The following PKIB variants were observed in gnomAD, a reference collection of about 807,000 sequenced individuals.
PKIB encodes PKI-beta.
PKIB carries 2 observed loss-of-function variants against 4.5 expected under a neutral mutation model. That is an observed-to-expected ratio of 0.44 (90% CI 0.18 to 1.39). The LOEUF is 1.39. PKIB is among the 40% of genes most tolerant of loss of function. The probability of loss-of-function intolerance (pLI) is 0.27; values close to 1 mark genes in which losing one functional copy is unlikely to be tolerated. For missense variants in PKIB, 94 were observed against 92.6 expected (o/e 1.02, Z -0.06); for synonymous variants, 38 against 36.0 (o/e 1.06, Z -0.20).
chr6:122,532,304 GTTTA>G (rs1405971390), intron 2 of PKIB, among the ~76,000 whole-genome samples: 10 of 151,960 alleles, frequency 6.6e-5, no homozygotes, highest in Admixed American at 6.6e-4. Flanking sequence ...TCACTCTTTT[GTTTA>G]TTTAATACTT....
intron 1 of PKIB, among the ~76,000 whole-genome samples, chr6:122,476,195 G>A (rs545886894): frequency 9.9e-5 from 15 of 152,096 alleles, no homozygotes; most frequent in Non-Finnish European, 1.6e-4. Context: ...TATAATCCAA[G>A]GAGAGCAAAA....
rs185397091 is a variant in PKIB at position 122,554,925 on chromosome 6, A to G, written c.-247-30996A>G. Among the ~76,000 whole-genome samples, 375 of 152,348 alleles carry G rather than the reference A, an allele frequency of 2.5e-3. 1 individual carries two copies. The highest frequency in any genetic ancestry group is 4.4e-3 in the Non-Finnish European group (297 of 68,032). ...ATAAGTTTCCTCTTAAAGATTTTCA[A>G]TAAAACCAACAGCAAATTAAGGGGG... On this transcript the variant is annotated intron_variant, in intron 2 of 6. Transcript: ENST00000392491.
intron 2 of PKIB, chr6:122,480,208 A>G (rs1243906363): frequency 6.6e-6 from 1 of 151,864 alleles, no homozygotes; most frequent in East Asian, 1.9e-4. Flanking sequence ...ACGCCCGGCT[A>G]GTTTTTTGTA....
intron 2 of PKIB, among the ~76,000 whole-genome samples, chr6:122,567,623 A>G (rs527398612): frequency 1.3e-4 from 20 of 152,372 alleles, no homozygotes; most frequent in African/African-American, 4.3e-4. Context: ...CTGAAATACT[A>G]TTAAATGAAA....
intron 3 of PKIB, among the ~76,000 whole-genome samples, chr6:122,675,795 G>GA (rs915624502): frequency 6.6e-6 from 1 of 151,516 alleles, no homozygotes; most frequent in Admixed American, 6.6e-5. Context: ...AACTGTAAGT[G>GA]AAAAAAAATT....
intron 2 of PKIB, among the ~76,000 whole-genome samples, chr6:122,526,034 G>C (rs1355319493): frequency 6.6e-6 from 1 of 152,052 alleles, no homozygotes; most frequent in African/African-American, 2.4e-5. Context: ...CATAGCATCT[G>C]CACCAGGAAT....
rs532460100 is a variant in PKIB at position 122,726,349 on chromosome 6, C to T, written c.*1154C>T. 6.6e-6 allele frequency: 1 copy of T among 152,178 alleles called. No homozygotes were observed. Among genetic ancestry groups the T allele is most frequent in the Non-Finnish European group, 1.5e-5 (1 of 67,980 alleles). 9.4% of individuals were successfully genotyped at this position (152,178 alleles called of 1,614,324 possible). A position where few individuals can be genotyped will look rare whatever the true frequency, so the allele number is the denominator to read the frequency against. On this transcript the variant is annotated 3_prime_UTR_variant, in exon 5 of 5. Coordinates refer to ENST00000368452, the MANE Select transcript of PKIB (RefSeq NM_181795.3). ...TATACAGTAACCAAATAAACTCTTT[C>T]ACTATTAAAGAGATTTCTTACTGAC...
At chr6:122,595,029 G>C (rs1370870393) in intron 3 of PKIB, among the ~76,000 whole-genome samples, 1 of 152,108 alleles carries the variant, frequency 6.6e-6, no homozygotes, top group Admixed American at 6.6e-5. Flanking sequence ...GCAACTCCTG[G>C]TGGCAGCTTT....
chr6:122,483,979 A>G (rs75495383), intron 2 of PKIB: 14,204 of 152,228 alleles, frequency 0.093, 814 homozygotes, highest in South Asian at 0.15. Context: ...CCACCCTACC[A>G]TAGCTAGGAT....
At chr6:122,717,998 T>C (rs772638920) in intron 4 of PKIB, 35 bp downstream of exon 4, 22 of 1,589,090 alleles carry the variant, frequency 1.4e-5, no homozygotes, top group Non-Finnish European at 1.9e-5. Context: ...TTAACAGCAC[T>C]TGTCCCTTCT....
At chr6:122,716,556 C>A (rs1406877850) in intron 3 of PKIB, among the ~76,000 whole-genome samples, 3 of 152,050 alleles carry the variant, frequency 2.0e-5, no homozygotes, top group African/African-American at 4.8e-5. Flanking sequence ...CTTTTTTGGG[C>A]AATTCCAAAC....
intron 2 of PKIB, among the ~76,000 whole-genome samples, chr6:122,649,316 C>T (rs1776455006): frequency 6.6e-6 from 1 of 152,152 alleles, no homozygotes; most frequent in Non-Finnish European, 1.5e-5. Context: ...AAGTTGTGTC[C>T]ACTAGGAAGA....
At chr6:122,544,329 A>T (rs1027185367) in intron 2 of PKIB, among the ~76,000 whole-genome samples, 2 of 151,886 alleles carry the variant, frequency 1.3e-5, no homozygotes, top group African/African-American at 2.4e-5. Context: ...TGTCTAAAGA[A>T]AGTGAAAAGT....
At chr6:122,693,309 C>T (rs1023823337) in intron 3 of PKIB, among the ~76,000 whole-genome samples, 2 of 152,122 alleles carry the variant, frequency 1.3e-5, no homozygotes, top group African/African-American at 2.4e-5. Context: ...TACTCCCCAC[C>T]GCCCCCTGCT....
chr6:122,705,656 C>T (rs1405105756), intron 3 of PKIB, among the ~76,000 whole-genome samples: 1 of 150,958 alleles, frequency 6.6e-6, no homozygotes, highest in Non-Finnish European at 1.5e-5. Context: ...ACCTCCAGCT[C>T]CCTGGTTCAA....
At position 122,642,147 on chromosome 6, in the gene PKIB, T is replaced by C. The variant is rs574854727; in HGVS notation, c.-76+8780T>C. On this transcript the variant is annotated intron_variant, in intron 2 of 4. Coordinates refer to ENST00000368452, the MANE Select transcript of PKIB (RefSeq NM_181795.3). Reference sequence around the variant, plus strand: ...TTACTTTGTTTCCATGTTCAGACTATAAAAGCCCACTGCTTAGGCTGCTAG... The same window carrying C: ...TTACTTTGTTTCCATGTTCAGACTACAAAAGCCCACTGCTTAGGCTGCTAG... Among the ~76,000 whole-genome samples the C allele has an allele frequency of 2.0e-5, 3 of 152,366 alleles. No homozygotes were observed. The South Asian group carries it at 6.2e-4, about 32-fold the overall frequency.
intron 2 of PKIB, among the ~76,000 whole-genome samples, chr6:122,662,346 A>C (rs1265371627): frequency 2.8e-5 from 1 of 35,194 alleles, no homozygotes; most frequent in African/African-American, 1.1e-4. Flanking sequence ...TTGGAGATTC[A>C]TTCTTGTTGT....
chr6:122,507,000 C>T (rs942928659), intron 2 of PKIB, among the ~76,000 whole-genome samples: 26 of 152,074 alleles, frequency 1.7e-4, no homozygotes, highest in Admixed American at 1.0e-3. Flanking sequence ...CGCGCCCGGC[C>T]GTAATTTTTT....
chr6:122,477,844 C>A (rs777079652), intron 1 of PKIB: 2 of 152,080 alleles, frequency 1.3e-5, no homozygotes, highest in Admixed American at 6.5e-5. Context: ...GTACTTTTTC[C>A]TCACAGTTTT....
Sources: gnomAD v4.1 joint callset for allele counts (sites outside exome capture counted in the v4.1 genomes callset) on GRCh38, gnomAD v4.1.1 for gene constraint, MANE v1.5 for transcripts, NCBI Gene and HGNC (gene_info 2026-07-23, HGNC 2026-07-21) for gene names.